The following MYT1L variants were observed in gnomAD, a reference collection of about 807,000 sequenced individuals.
MYT1L encodes the protein myelin transcription factor 1-like protein.
A neutral mutation model predicts 126.7 loss-of-function variants in MYT1L; 12 were observed. That is an observed-to-expected ratio of 0.09 (90% CI 0.06 to 0.15). MYT1L has a LOEUF of 0.15. Among genes scored for constraint, MYT1L ranks in the 10% least tolerant of loss-of-function variants. MYT1L has a pLI of 1.00. For synonymous variants in MYT1L, 541 were observed against 604.2 expected (o/e 0.90, Z 1.53); for missense variants, 979 against 1,585.2 (o/e 0.62, Z 6.49).
intron 1 of MYT1L, among the ~76,000 whole-genome samples, chr2:2,289,816 G>A (rs2095572689): frequency 1.3e-5 from 2 of 152,196 alleles, no homozygotes; most frequent in Admixed American, 1.3e-4. Context: ...TTTAGATGTG[G>A]ATCCAATTAA....
At chr2:2,159,373 C>T (rs1007524593) in intron 3 of MYT1L, among the ~76,000 whole-genome samples, 2 of 152,124 alleles carry the variant, frequency 1.3e-5, no homozygotes, top group Admixed American at 6.5e-5. Flanking sequence ...ACTGCAAATG[C>T]GTGTTTTAAT....
At chr2:2,317,795 T>C (rs1474943191) in intron 1 of MYT1L, among the ~76,000 whole-genome samples, 1 of 152,108 alleles carries the variant, frequency 6.6e-6, no homozygotes, top group African/African-American at 2.4e-5. Flanking sequence ...TCTCTCTGAC[T>C]CTTGGAAGAG....
At chr2:1,813,366 G>A (rs1255788996) in intron 21 of MYT1L, among the ~76,000 whole-genome samples, 5 of 152,284 alleles carry the variant, frequency 3.3e-5, no homozygotes, top group South Asian at 4.1e-4. Flanking sequence ...CCATCCCACA[G>A]CTGAGAAATG....
At chr2:2,189,949 C>T (rs950655664) in intron 2 of MYT1L, among the ~76,000 whole-genome samples, 1 of 152,114 alleles carries the variant, frequency 6.6e-6, no homozygotes, top group Non-Finnish European at 1.5e-5. Context: ...TTCTCGGGAC[C>T]ACACAGTTCC....
At chr2:2,176,792 C>T (rs59034315) in intron 2 of MYT1L, among the ~76,000 whole-genome samples, 15,005 of 152,172 alleles carry the variant, frequency 0.099, 716 homozygotes, top group East Asian at 0.13. Flanking sequence ...AATCACCATG[C>T]CTGGCCTAGA....
At chr2:2,225,075 T>C (rs912264664) in intron 2 of MYT1L, among the ~76,000 whole-genome samples, 1 of 152,028 alleles carries the variant, frequency 6.6e-6, no homozygotes, top group African/African-American at 2.4e-5. Flanking sequence ...ACATCCACCT[T>C]TAGAGATGGC....
intron 5 of MYT1L, among the ~76,000 whole-genome samples, chr2:1,994,254 GC>G (rs2149588164): frequency 6.6e-6 from 1 of 152,308 alleles, no homozygotes; most frequent in South Asian, 2.1e-4. Flanking sequence ...ACCAGGCTCA[GC>G]CCTGGTTCAG....
intron 2 of MYT1L, among the ~76,000 whole-genome samples, chr2:2,278,122 T>C (rs2095393597): frequency 6.6e-6 from 1 of 152,234 alleles, no homozygotes; most frequent in South Asian, 2.1e-4. Flanking sequence ...CTTTTACTTT[T>C]ATGAGTTAAT....
intron 2 of MYT1L, among the ~76,000 whole-genome samples, chr2:2,263,212 T>G (rs1358545734): frequency 6.6e-6 from 1 of 151,796 alleles, no homozygotes; most frequent in African/African-American, 2.4e-5. Context: ...ATAAACAGTC[T>G]TCTTTCAGCA....
intron 1 of MYT1L, among the ~76,000 whole-genome samples, chr2:2,327,748 CA>C (rs2096259597): frequency 6.6e-6 from 1 of 152,116 alleles, no homozygotes; most frequent in African/African-American, 2.4e-5. Context: ...CCAGCCAAAC[CA>C]AACTGTAAGT....
chr2:2,115,963 C>T (rs558967647), intron 3 of MYT1L, among the ~76,000 whole-genome samples: 3 of 149,800 alleles, frequency 2.0e-5, no homozygotes, highest in Non-Finnish European at 3.0e-5. Context: ...GGATGCACCA[C>T]GTCCAGTCGA....
intron 2 of MYT1L, among the ~76,000 whole-genome samples, chr2:2,223,695 T>C (rs1454512442): frequency 6.6e-6 from 1 of 152,238 alleles, no homozygotes; most frequent in East Asian, 1.9e-4. Context: ...TTCAAAAAGA[T>C]AACTAGAAGT....
At chr2:1,818,752 A>G (rs1181304639) in intron 21 of MYT1L, among the ~76,000 whole-genome samples, 1 of 152,146 alleles carries the variant, frequency 6.6e-6, no homozygotes, top group African/African-American at 2.4e-5. Flanking sequence ...ACTGTGTATC[A>G]GATCTGCTTC....
intron 11 of MYT1L, among the ~76,000 whole-genome samples, chr2:1,914,928 C>T (rs1203698602): frequency 6.6e-6 from 1 of 152,224 alleles, no homozygotes; most frequent in Non-Finnish European, 1.5e-5. Flanking sequence ...TCACACAGGA[C>T]AGCTGGAGCA....
At chr2:2,172,490 C>T (rs76204465) in intron 3 of MYT1L, among the ~76,000 whole-genome samples, 2 of 152,356 alleles carry the variant, frequency 1.3e-5, no homozygotes, top group African/African-American at 4.8e-5. Flanking sequence ...ATGCGCAATG[C>T]AACTTTTAAC....
intron 18 of MYT1L, among the ~76,000 whole-genome samples, chr2:1,875,686 C>T (rs1020980049): frequency 2.0e-5 from 3 of 152,154 alleles, no homozygotes; most frequent in East Asian, 1.9e-4. Flanking sequence ...GATCGATGAG[C>T]GGAAGCAGAT....
chr2:2,158,068 A>T (rs1007932279), intron 3 of MYT1L, among the ~76,000 whole-genome samples: 1 of 151,846 alleles, frequency 6.6e-6, no homozygotes, highest in Non-Finnish European at 1.5e-5. Flanking sequence ...CTGGAGACTC[A>T]GTTTACCTTC....
At chr2:1,855,083 T>C (rs67666258) in intron 18 of MYT1L, among the ~76,000 whole-genome samples, 69,311 of 152,082 alleles carry the variant, frequency 0.46, 16,987 homozygotes, top group Middle Eastern at 0.66. Flanking sequence ...TCCATTTTTA[T>C]GTTACTGTTC....
At chr2:1,884,468 G>A (rs1206986776) in intron 18 of MYT1L, among the ~76,000 whole-genome samples, 1 of 152,196 alleles carries the variant, frequency 6.6e-6, no homozygotes, top group African/African-American at 2.4e-5. Context: ...GATCCAACAA[G>A]TAACAGATAA....
Sources: allele counts gnomAD v4.1 joint callset (sites outside exome capture counted in the v4.1 genomes callset), GRCh38; gene constraint gnomAD v4.1.1; transcripts MANE v1.5; gene names NCBI Gene and HGNC (gene_info 2026-07-23, HGNC 2026-07-21).